Variants in FILIP1L observed in about 807,000 individuals in gnomAD.
FILIP1L encodes the protein filamin A-interacting protein 1-like.
In FILIP1L, 55 loss-of-function variants were observed where a neutral mutation model predicts 96.6. That is an observed-to-expected ratio of 0.57 (90% CI 0.46 to 0.71). The LOEUF (loss-of-function observed/expected upper bound fraction) is 0.71. Among genes scored for constraint, FILIP1L ranks in the 30% least tolerant of loss-of-function variants. The pLI, the probability that FILIP1L is intolerant of heterozygous loss-of-function variation, is 0.00. For synonymous variants in FILIP1L, 467 were observed against 473.9 expected, an observed-to-expected ratio of 0.99 and a Z score of 0.19; for missense variants, 1,304 against 1,321.2, an observed-to-expected ratio of 0.99 and a Z score of 0.20.
rs778641584 is a variant in FILIP1L at position 99,830,465 on chromosome 3, G to A, written c.3522C>T (p.Ile1174=). ...IYQNGCGKLH[I]VRTVTSNTFL... is the part of the protein sequence containing the mutation. ...AGGTGTTGGAGGTGACAGTTCTCACGATGTGTAGCTTCCCACAGCCATTTT... is the reference window on the plus strand; with the variant it reads ...AGGTGTTGGAGGTGACAGTTCTCACAATGTGTAGCTTCCCACAGCCATTTT... Residue 1174 remains isoleucine, a synonymous_variant, in exon 6 of 6, where the codon ATC becomes ATT. Transcript: ENST00000477258. 59 of 456,524 alleles carry A rather than the reference G, an allele frequency of 1.3e-4. No individual in the cohort carries two copies. The Middle Eastern group carries it at 1.3e-3, about 10-fold the overall frequency. 28.3% of individuals were successfully genotyped at this position (456,524 alleles called of 1,614,324 possible).
intron 4 of FILIP1L, among the ~76,000 whole-genome samples, chr3:99,860,626 G>A (rs1221498482): frequency 3.9e-5 from 6 of 152,132 alleles, no homozygotes; most frequent in African/African-American, 1.4e-4. Context: ...AACAAAGGAG[G>A]TGCCCATGAT....
chr3:100,025,156 C>G (rs2064895839), intron 1 of FILIP1L, among the ~76,000 whole-genome samples: 1 of 152,070 alleles, frequency 6.6e-6, no homozygotes, highest in South Asian at 2.1e-4. Context: ...CCATACTTAG[C>G]TAAAAGAGAG....
intron 4 of FILIP1L, among the ~76,000 whole-genome samples, chr3:99,872,269 CTGTG>C (rs55727823): frequency 0.11 from 11,898 of 110,636 alleles, 517 homozygotes; most frequent in Admixed American, 0.13. Context: ...TGTGCCAGGA[CTGTG>C]TGTGTGTGTG....
chr3:99,942,420 T>C (rs1707877127), intron 1 of FILIP1L, among the ~76,000 whole-genome samples: 1 of 152,244 alleles, frequency 6.6e-6, no homozygotes, highest in South Asian at 2.1e-4. Context: ...TCTCTGAAGA[T>C]GGGTAAAGAG....
At chr3:99,863,700 C>T (rs189975643) in intron 4 of FILIP1L, among the ~76,000 whole-genome samples, 2 of 152,298 alleles carry the variant, frequency 1.3e-5, no homozygotes, top group Non-Finnish European at 2.9e-5. Flanking sequence ...ATATTTGACA[C>T]ATATTTCAAA....
At chr3:99,870,511 A>T (rs1944734695) in intron 4 of FILIP1L, among the ~76,000 whole-genome samples, 1 of 152,190 alleles carries the variant, frequency 6.6e-6, no homozygotes, top group African/African-American at 2.4e-5. Flanking sequence ...GTTGTCCAAG[A>T]GCTGCTAGTG....
Position 99,850,530 on chromosome 3 carries a change from C to A in FILIP1L, c.1146G>T (p.Met382Ile). ...VEELRKRVLD[M>I]EGKDEELIKM... Reference sequence around the variant, plus strand: ...TTATGAGCTCTTCATCTTTCCCTTCCATATCTAGCACACGTTTCCTGAGCT... The same window carrying A: ...TTATGAGCTCTTCATCTTTCCCTTCAATATCTAGCACACGTTTCCTGAGCT... Residue 382 changes from methionine (M) to isoleucine (I), a missense_variant, in exon 5 of 6, where the codon ATG becomes ATT. Coordinates refer to ENST00000477258, the MANE Select transcript of FILIP1L (RefSeq NM_001387850.1). The A allele has an allele frequency of 6.2e-7, 1 of 1,613,426 alleles. No homozygotes were observed. Among genetic ancestry groups the A allele is most frequent in the Non-Finnish European group, 8.5e-7 (1 of 1,179,924 alleles).
intron 4 of FILIP1L, among the ~76,000 whole-genome samples, chr3:99,923,766 G>A (rs967620657): frequency 2.0e-5 from 3 of 152,066 alleles, no homozygotes; most frequent in African/African-American, 7.2e-5. Context: ...GCTCCTTCAG[G>A]CCAACAGTAT....
Position 100,054,490 on chromosome 3 carries a change from T to TTGTTATGTTATGTTATGTTA in FILIP1L, c.-11+59543_-11+59562dup, listed in dbSNP as rs10668094. Among the ~76,000 whole-genome samples, 129 of 146,184 alleles carry TTGTTATGTTATGTTATGTTA rather than the reference T, an allele frequency of 8.8e-4. 1 individual carries two copies. The highest frequency in any genetic ancestry group is 2.3e-3 in the South Asian group (10 of 4,438). ...TTCGTTCATTATATTATGTTATGTTTTGTTATGTTATGTTATGTTATGTTA... is the reference window on the plus strand; with the variant it reads ...TTCGTTCATTATATTATGTTATGTTTTGTTATGTTATGTTATGTTATGTTATGTTATGTTATGTTATGTTA... On this transcript the variant is annotated intron_variant, in intron 1 of 5. Coordinates refer to ENST00000477258, the MANE Select transcript of FILIP1L (RefSeq NM_001387850.1).
At chr3:99,863,861 C>T (rs969075683) in intron 4 of FILIP1L, among the ~76,000 whole-genome samples, 2 of 152,162 alleles carry the variant, frequency 1.3e-5, no homozygotes, top group Non-Finnish European at 2.9e-5. Flanking sequence ...TTCTTATGCT[C>T]TCCCCTTTTT....
At position 99,850,438 on chromosome 3, in the gene FILIP1L, A is replaced by C; in HGVS notation, c.1238T>G (p.Phe413Cys). Reference sequence around the variant, plus strand: ...ACTGAGTTTTTCAACCTCTAGTTTAAAGTCTTTACTCTGTAACGTCTCCCT... The same window carrying C: ...ACTGAGTTTTTCAACCTCTAGTTTACAGTCTTTACTCTGTAACGTCTCCCT... Reference protein sequence around the residue: ...LERETLQSKDFKLEVEKLSKR... With the variant: ...LERETLQSKDCKLEVEKLSKR... Residue 413 changes from phenylalanine (F) to cysteine (C), a missense_variant, in exon 5 of 6, where the codon TTT becomes TGT. Phe to Cys is a radical substitution (Grantham distance 205). Transcript: ENST00000477258. 3 of 1,614,056 alleles carry C rather than the reference A, an allele frequency of 1.9e-6. No individual in the cohort carries two copies. The highest frequency in any genetic ancestry group is 2.5e-6 in the Non-Finnish European group (3 of 1,180,006).
At chr3:99,918,545 A>G (rs758961254) in intron 4 of FILIP1L, among the ~76,000 whole-genome samples, 2 of 152,244 alleles carry the variant, frequency 1.3e-5, no homozygotes, top group Non-Finnish European at 2.9e-5. Flanking sequence ...AAAAGCAATC[A>G]GGTAGCATTG....
intron 4 of FILIP1L, among the ~76,000 whole-genome samples, chr3:99,896,946 A>G (rs1212848277): frequency 6.6e-6 from 1 of 152,204 alleles, no homozygotes; most frequent in Non-Finnish European, 1.5e-5. Flanking sequence ...TAGAAAATGT[A>G]TTTTCAGTCG....
chr3:100,066,463 G>A (rs1182321767), intron 1 of FILIP1L, among the ~76,000 whole-genome samples: 1 of 149,436 alleles, frequency 6.7e-6, no homozygotes, highest in East Asian at 2.0e-4. Flanking sequence ...GGTTTGAATG[G>A]TGATGTCATG....
rs967650342 is a variant in FILIP1L, at chr3:99,923,456, T to A, written c.605+774A>T. 6.6e-5 allele frequency among the ~76,000 whole-genome samples: 10 copies of A among 152,314 alleles called. No homozygotes were observed. In the South Asian group the frequency reaches 8.3e-4, roughly 13 times the overall value. On this transcript the variant is annotated intron_variant, in intron 4 of 5. Coordinates refer to ENST00000477258, the MANE Select transcript of FILIP1L (RefSeq NM_001387850.1). ...GTGCCCCATTCCCATATTTCATATGTTCCTGAATAGCCAGGAGTGCTTCTC... is the reference window on the plus strand; with the variant it reads ...GTGCCCCATTCCCATATTTCATATGATCCTGAATAGCCAGGAGTGCTTCTC...
At chr3:100,068,440 T>C (rs2065704917) in intron 1 of FILIP1L, among the ~76,000 whole-genome samples, 1 of 152,148 alleles carries the variant, frequency 6.6e-6, no homozygotes, top group South Asian at 2.1e-4. Context: ...AAACATCATC[T>C]GAACTAACAC....
At chr3:99,921,277 C>T (rs1016914) in intron 4 of FILIP1L, among the ~76,000 whole-genome samples, 40,341 of 152,016 alleles carry the variant, frequency 0.27, 6,059 homozygotes, top group Admixed American at 0.34. Flanking sequence ...CTCCTCTGAG[C>T]GTTTATTTAC....
At chr3:100,077,212 A>G (rs1422513129) in intron 1 of FILIP1L, among the ~76,000 whole-genome samples, 1 of 152,234 alleles carries the variant, frequency 6.6e-6, no homozygotes, top group Non-Finnish European at 1.5e-5. Context: ...CGTAGGTTCC[A>G]AGCAAATGGG....
At chr3:99,942,080 G>T (rs1232763368) in intron 1 of FILIP1L, among the ~76,000 whole-genome samples, 6 of 152,138 alleles carry the variant, frequency 3.9e-5, no homozygotes, top group Non-Finnish European at 8.8e-5. Flanking sequence ...AGTGGGGCAT[G>T]GTGGTGGGCG....
Sources: allele counts gnomAD v4.1 joint callset (sites outside exome capture counted in the v4.1 genomes callset), GRCh38; gene constraint gnomAD v4.1.1; transcripts MANE v1.5; gene names NCBI Gene and HGNC (gene_info 2026-07-23, HGNC 2026-07-21).